Variants in HMX1 observed in about 807,000 individuals in gnomAD.
HMX1 encodes the protein homeobox protein HMX1.
In HMX1, 8 loss-of-function variants were observed where a neutral mutation model predicts 8.9. That is an observed-to-expected ratio of 0.90 (90% CI 0.53 to 1.63). The LOEUF (loss-of-function observed/expected upper bound fraction) is 1.63. HMX1 is among the 40% of genes most tolerant of loss of function. The probability of loss-of-function intolerance (pLI) is 0.00; values close to 1 mark genes in which losing one functional copy is unlikely to be tolerated. For synonymous variants in HMX1, 311 were observed against 283.4 expected (o/e 1.10, Z -0.98); for missense variants, 621 against 558.5 (o/e 1.11, Z -1.13).
At chr4:8,861,087 C>T (rs935344315) in intron 1 of HMX1, among the ~76,000 whole-genome samples, 2 of 151,996 alleles carry the variant, frequency 1.3e-5, no homozygotes, top group African/African-American at 4.8e-5. Flanking sequence ...GAGTCGCGTC[C>T]GCGGGGTCCC....
rs752877327 is a variant in HMX1, at chr4:8,867,739, G to A, written c.1001C>T (p.Ala334Val). The part of the protein sequence containing the change: ...LAYPLAAFPA[A>V]ASVPFLRAQM... The stretch of plus-strand genomic sequence containing the variant: ...CGCCCGCAGAAAGGGCACGGAGGCG[G>A]CGGCCGGGAAGGCGGCCAGCGGGTA... The change falls in exon 2 of 2, where the codon GCC becomes GTC. Residue 334 changes from alanine (A) to valine (V), a missense_variant. By Grantham distance (64) the Ala-to-Val change is moderately conservative. Coordinates refer to ENST00000400677, the MANE Select transcript of HMX1 (RefSeq NM_018942.3). 22 of 1,291,284 alleles carry A rather than the reference G, an allele frequency of 1.7e-5. No homozygotes were observed. The highest frequency in any genetic ancestry group is 2.2e-5 in the Non-Finnish European group (22 of 1,023,084). The allele number at this position is 1,291,284 out of a possible 1,614,324, so 80.0% of individuals were successfully genotyped here.
At position 8,849,716 on chromosome 4, in the gene HMX1, G is replaced by T. The variant is rs897650736; in HGVS notation, c.395-3392C>A. Among the ~76,000 whole-genome samples, 1 of 152,216 alleles carries T rather than the reference G, an allele frequency of 6.6e-6. No individual in the cohort carries two copies. The highest frequency in any genetic ancestry group is 2.4e-5 in the African/African-American group (1 of 41,458). On this transcript the variant is annotated intron_variant, in intron 1 of 1. Coordinates refer to the HMX1 transcript ENST00000506970. The surrounding 1 kb of genome is among the most constrained non-coding windows in gnomAD (Gnocchi z 6.6). Reference sequence around the variant, plus strand: ...GGCCCATGTGGATGCAACCCCAGGGGTTTTTCTCCCTCTCTTCCAATCCTC... The same window carrying T: ...GGCCCATGTGGATGCAACCCCAGGGTTTTTTCTCCCTCTCTTCCAATCCTC...
At chr4:8,862,994 G>A (rs1180720719), downstream of HMX1, among the ~76,000 whole-genome samples, 2 of 152,212 alleles carry the variant, frequency 1.3e-5, no homozygotes, top group African/African-American at 2.4e-5. Flanking sequence ...TGGGTGATCC[G>A]CCTTGGGGAC....
At chr4:8,846,339 A>G (rs1355811435) in intron 1 of HMX1, 1 of 1,528,942 alleles carries the variant, frequency 6.5e-7, no homozygotes, top group Non-Finnish European at 8.8e-7. Flanking sequence ...AGGGGAGAAA[A>G]ACCAGGTATT....
intron 1 of HMX1, among the ~76,000 whole-genome samples, chr4:8,861,550 G>T (rs1418755463): frequency 6.6e-6 from 1 of 152,210 alleles, no homozygotes; most frequent in Non-Finnish European, 1.5e-5. Context: ...GAAGAGGGAC[G>T]AGCAGAGGAG....
rs767029357 is a variant in HMX1, at chr4:8,871,474, C to T, written c.141G>A (p.Glu47=). The change falls in exon 1 of 2, where the codon GAG becomes GAA. Residue 47 remains glutamate, a synonymous_variant. Transcript: ENST00000400677. The surrounding 1 kb of genome is among the most constrained non-coding windows in gnomAD (Gnocchi z 4.8). ...QGDGSREDEE[E]DDDDPEDEDA... ...CCTCGTCTTCGGGGTCGTCGTCGTC[C>T]TCCTCCTCGTCCTCCCGGCTGCCGT... 3 of 1,343,008 alleles carry T rather than the reference C, an allele frequency of 2.2e-6. No individual in the cohort carries two copies. The highest frequency in any genetic ancestry group is 2.9e-6 in the Non-Finnish European group (3 of 1,038,232). The allele number at this position is 1,343,008 out of a possible 1,614,324, so 83.2% of individuals were successfully genotyped here.
At chr4:8,860,015 G>A (rs777570415) in intron 1 of HMX1, among the ~76,000 whole-genome samples, 5 of 152,242 alleles carry the variant, frequency 3.3e-5, no homozygotes, top group Admixed American at 1.3e-4. Flanking sequence ...CATTAGAACC[G>A]GCAGAGCCCC....
intron 1 of HMX1, among the ~76,000 whole-genome samples, chr4:8,850,274 G>A (rs1560165630): frequency 6.6e-6 from 1 of 152,130 alleles, no homozygotes; most frequent in African/African-American, 2.4e-5. Context: ...CCGCCTGCCT[G>A]TGGGGAGCCT....
At chr4:8,846,136 CT>C (rs1313160130) in exon 2 of HMX1, 1 of 801,138 alleles carries the variant, frequency 1.2e-6, no homozygotes, top group Non-Finnish European at 2.0e-6. Context: ...GGGAACACTG[CT>C]CCACGCGGTC....
In HMX1 at chr4:8,867,503, C is replaced by G. The variant is rs1167733223; in HGVS notation, c.*190G>C. On this transcript the variant is annotated 3_prime_UTR_variant, in exon 2 of 2. Coordinates refer to ENST00000400677, the MANE Select transcript of HMX1 (RefSeq NM_018942.3). ...AGCCTGGCAAATGGGTGGGGCGTCC[C>G]ATTACATTCTAGAGGCGCTCCCCAC... The G allele has an allele frequency of 2.5e-6, 3 of 1,178,370 alleles. No individual in the cohort carries two copies. Among genetic ancestry groups the G allele is most frequent in the Non-Finnish European group, 3.1e-6 (3 of 954,278 alleles). The allele number at this position is 1,178,370 out of a possible 1,614,324, so 73.0% of individuals were successfully genotyped here. A position where few individuals can be genotyped will look rare whatever the true frequency, so the allele number is the denominator to read the frequency against.
intron 1 of HMX1, among the ~76,000 whole-genome samples, chr4:8,861,008 G>T (rs1249774984): frequency 6.6e-6 from 1 of 151,336 alleles, no homozygotes; most frequent in Non-Finnish European, 1.5e-5. Context: ...CGGGGAGGGG[G>T]CGGGGCGCCC....
At chr4:8,866,094 C>T (rs1428837625), downstream of HMX1, among the ~76,000 whole-genome samples, 2 of 152,112 alleles carry the variant, frequency 1.3e-5, no homozygotes, top group African/African-American at 2.4e-5. Flanking sequence ...TGCTGGAACC[C>T]TGGCCTCACA....
chr4:8,848,406 T>C lies in HMX1; in HGVS notation c.395-2082A>G, dbSNP rs914947644. Among the ~76,000 whole-genome samples the C allele has an allele frequency of 3.3e-5, 5 of 152,246 alleles. No individual in the cohort carries two copies. The highest frequency in any genetic ancestry group is 9.6e-5 in the African/African-American group (4 of 41,474). Reference sequence around the variant, plus strand: ...TTGGACAATGCCACCTTGAAGCCTATGATATTTTGATAAAATGGAAATAAA... The same window carrying C: ...TTGGACAATGCCACCTTGAAGCCTACGATATTTTGATAAAATGGAAATAAA... On this transcript the variant is annotated intron_variant, in intron 1 of 1. Transcript: ENST00000506970. The surrounding 1 kb of genome is among the most constrained non-coding windows in gnomAD (Gnocchi z 4.1).
chr4:8,851,352 C>T (rs1488284501), intron 1 of HMX1, among the ~76,000 whole-genome samples: 6 of 152,160 alleles, frequency 3.9e-5, no homozygotes, highest in African/African-American at 1.4e-4. Context: ...CCCAGGCCCT[C>T]GACAGGACAG....
In HMX1 at chr4:8,868,162, C is replaced by A. The variant is rs773754788; in HGVS notation, c.578G>T (p.Arg193Leu). ...GCCGCCGCCCACGCCAACGCCGCCG[C>A]GTGTCTCCCCAGCCGCCGCAGGGAC... ...AEVPAAAGET[R>L]GGVGVGGGRK... The change falls in exon 2 of 2, where the codon CGC (arginine) becomes CTC (leucine). Residue 193 changes from arginine (R) to leucine (L), a missense_variant. By Grantham distance (102) the Arg-to-Leu change is moderately radical (BLOSUM62 -2). Transcript: ENST00000400677. This position sits in a 1 kb window ranked among gnomAD's most constrained non-coding sequence, Gnocchi z 4.6. 296 of 1,501,796 alleles carry A rather than the reference C, an allele frequency of 2.0e-4. No homozygotes were observed. The highest frequency in any genetic ancestry group is 2.5e-4 in the Non-Finnish European group (279 of 1,131,176). 93.0% of individuals were successfully genotyped at this position (1,501,796 alleles called of 1,614,324 possible).
chr4:8,866,830 CT>C (rs1722013850), downstream of HMX1, among the ~76,000 whole-genome samples: 1 of 152,340 alleles, frequency 6.6e-6, no homozygotes, highest in African/African-American at 2.4e-5. Flanking sequence ...TCACTTCCTC[CT>C]CCCTACTCCC....
rs912215521 is a variant in HMX1 at position 8,849,046 on chromosome 4, G to A, written c.395-2722C>T. On this transcript the variant is annotated intron_variant, in intron 1 of 1. Coordinates refer to the HMX1 transcript ENST00000506970. This position sits in a 1 kb window ranked among gnomAD's most constrained non-coding sequence, Gnocchi z 6.6. The stretch of plus-strand genomic sequence containing the variant: ...GGGTGGAGACCCGGCTGAGGGGGGT[G>A]GGCCTCCTCCCCCTGCCCGCTGCTC... Among the ~76,000 whole-genome samples the A allele has an allele frequency of 6.6e-6, 1 of 152,084 alleles. No individual in the cohort carries two copies. The highest frequency in any genetic ancestry group is 1.5e-5 in the Non-Finnish European group (1 of 68,016).
chr4:8,864,496 A>T (rs1168484022), downstream of HMX1, among the ~76,000 whole-genome samples: 1 of 152,186 alleles, frequency 6.6e-6, no homozygotes, highest in Non-Finnish European at 1.5e-5. Context: ...ATCTTCTGCC[A>T]GTGGTGGAGC....
chr4:8,856,690 G>A (rs915369451), intron 1 of HMX1, among the ~76,000 whole-genome samples: 9 of 152,180 alleles, frequency 5.9e-5, no homozygotes, highest in Non-Finnish European at 1.3e-4. Flanking sequence ...TGAAGAAGGA[G>A]GGGAGGGAGG....
Sources: allele counts gnomAD v4.1 joint callset (sites outside exome capture counted in the v4.1 genomes callset), GRCh38; gene constraint gnomAD v4.1.1; non-coding constraint Gnocchi (gnomAD v3.1); transcripts MANE v1.5; gene names NCBI Gene and HGNC (gene_info 2026-07-23, HGNC 2026-07-21).